Variants in NRAP observed in about 807,000 individuals in gnomAD.
NRAP encodes nebulin related anchoring protein.
In NRAP, 189 loss-of-function variants were observed where a neutral mutation model predicts 225.9. That is an observed-to-expected ratio of 0.84 (90% confidence interval 0.74 to 0.94). The LOEUF (loss-of-function observed/expected upper bound fraction) is 0.94. NRAP is among the 40% of genes least tolerant of loss of function. The pLI, the probability that NRAP is intolerant of heterozygous loss-of-function variation, is 0.00. For missense variants in NRAP, 2,176 were observed against 2,168.7 expected, an observed-to-expected ratio of 1.00 and a Z score of -0.07; for synonymous variants, 769 against 790.7, an observed-to-expected ratio of 0.97 and a Z score of 0.46.
Position 113,652,934 on chromosome 10 carries a change from C to A in NRAP, c.570+1G>T. 1 of 1,607,476 alleles carries A rather than the reference C, an allele frequency of 6.2e-7. No individual in the cohort carries two copies. The highest frequency in any genetic ancestry group is 8.5e-7 in the Non-Finnish European group (1 of 1,175,800). On this transcript the variant is annotated splice_donor_variant, in intron 6 of 41. Coordinates refer to ENST00000359988, the MANE Select transcript of NRAP (RefSeq NM_198060.4). LOFTEE classifies it high-confidence loss of function. ...TGGTGAAAAAGCACCCAGGCACTCACTTGGCTGGCCAGCTGGTTGGCTTTC... is the reference window on the plus strand; with the variant it reads ...TGGTGAAAAAGCACCCAGGCACTCAATTGGCTGGCCAGCTGGTTGGCTTTC...
chr10:113,614,609 GCCCA>G lies in NRAP; in HGVS notation c.3186+226_3186+229del, dbSNP rs1486623763. 2.0e-5 allele frequency among the ~76,000 whole-genome samples: 3 copies of G among 152,136 alleles called. No homozygotes were observed. The East Asian group carries it at 5.8e-4, about 29-fold the overall frequency. On this transcript the variant is annotated intron_variant, in intron 28 of 41. Transcript: ENST00000359988. ...CCTCGGTGGAGGGTGCATTTCATCT[GCCCA>G]GGGTCTATGTTTACAGTCCAGCATT...
Position 113,638,821 on chromosome 10 carries a change from C to T in NRAP, c.1428+1406G>A, listed in dbSNP as rs562656836. Among the ~76,000 whole-genome samples the T allele has an allele frequency of 1.5e-3, 232 of 152,288 alleles. No homozygotes were observed. The Middle Eastern group carries it at 0.017, about 11-fold the overall frequency. On this transcript the variant is annotated intron_variant, in intron 14 of 41. Transcript: ENST00000359988. ...AGTGCAAATGTGGCTCATGGGCTGC[C>T]AGTGAACCCACCTCTAAACTCAATT...
At chr10:113,594,962 C>T (rs1223209063) in intron 38 of NRAP, among the ~76,000 whole-genome samples, 3 of 152,240 alleles carry the variant, frequency 2.0e-5, no homozygotes, top group African/African-American at 7.2e-5. Flanking sequence ...TTTGATTCTG[C>T]CGTCTCTCTA....
chr10:113,601,934 G>C (rs186301064), intron 35 of NRAP, among the ~76,000 whole-genome samples: 1 of 152,144 alleles, frequency 6.6e-6, no homozygotes, highest in Non-Finnish European at 1.5e-5. Flanking sequence ...CACCCAGGCT[G>C]AAGTGCAGTA....
chr10:113,643,091 T>G, intron 11 of NRAP, 53 bp from the exon 12 acceptor site: 1 of 884,114 alleles, frequency 1.1e-6, no homozygotes, highest in Non-Finnish European at 1.9e-6. Flanking sequence ...AAGTCACTCT[T>G]GAAAATGTCC....
intron 22 of NRAP, among the ~76,000 whole-genome samples, chr10:113,624,480 C>A (rs914071303): frequency 6.6e-6 from 1 of 152,142 alleles, no homozygotes; most frequent in Admixed American, 6.5e-5. Context: ...AAGTGGCAAC[C>A]GAGGATCAAA....
At chr10:113,658,362 A>G (rs563983670) in intron 3 of NRAP, among the ~76,000 whole-genome samples, 9 of 152,342 alleles carry the variant, frequency 5.9e-5, no homozygotes, top group African/African-American at 1.9e-4. Flanking sequence ...GTTCAGAATC[A>G]GTCTGTCCAT....
In NRAP at chr10:113,604,714, A is replaced by T. The variant is rs372719866; in HGVS notation, c.4122T>A (p.Ala1374=). 3.7e-5 allele frequency: 60 copies of T among 1,614,082 alleles called. No homozygotes were observed. In the African/African-American group the frequency reaches 4.3e-4, roughly 11 times the overall value. Reference sequence around the variant, plus strand: ...TCCTGTAGTCGTGGTCGCTGGCCAGAGCCTGGGCATTCTTGGCATGGACCA... The same window carrying T: ...TCCTGTAGTCGTGGTCGCTGGCCAGTGCCTGGGCATTCTTGGCATGGACCA... The part of the protein sequence containing the change: ...VHLVHAKNAQ[A]LASDHDYRTQ... Residue 1374 remains alanine (A), a synonymous_variant, in exon 35 of 42, where the codon GCT becomes GCA. Transcript: ENST00000359988.
chr10:113,618,711 TGAG>T (rs1264281883), intron 25 of NRAP, among the ~76,000 whole-genome samples: 1 of 152,158 alleles, frequency 6.6e-6, no homozygotes, highest in Non-Finnish European at 1.5e-5. Flanking sequence ...TTTGGGAGGC[TGAG>T]GAGGGCGAAT....
In NRAP at chr10:113,590,638, G is replaced by T. The variant is rs775108098; in HGVS notation, c.4896C>A (p.Thr1632=). Residue 1632 remains threonine, a synonymous_variant, in exon 40 of 42, where the codon ACC becomes ACA. Transcript: ENST00000359988. ...VHYRQPLPQP[T]CDPEQLGLRH... Reference sequence around the variant, plus strand: ...TGAGGCCCAGCTGCTCCGGGTCGCAGGTGGGCTGGGGCAGGGGCTGCCTGT... The same window carrying T: ...TGAGGCCCAGCTGCTCCGGGTCGCATGTGGGCTGGGGCAGGGGCTGCCTGT... 2.5e-6 allele frequency: 4 copies of T among 1,614,086 alleles called. No individual in the cohort carries two copies. The South Asian group carries it at 4.4e-5, about 18-fold the overall frequency.
At chr10:113,621,825 C>T (rs773077585) in intron 24 of NRAP, 44 bp downstream of exon 24, 2 of 1,540,722 alleles carry the variant, frequency 1.3e-6, no homozygotes, top group East Asian at 2.3e-5. Flanking sequence ...ACACACACAA[C>T]ACACACATAC....
chr10:113,604,410 A>G (rs1846802735), intron 35 of NRAP, among the ~76,000 whole-genome samples, 199 bp downstream of exon 35: 1 of 152,192 alleles, frequency 6.6e-6, no homozygotes, highest in Non-Finnish European at 1.5e-5. Context: ...CCACTGTGCT[A>G]GCCCTCAATA....
At chr10:113,597,724 G>A (rs576895463) in intron 36 of NRAP, among the ~76,000 whole-genome samples, 8 of 152,282 alleles carry the variant, frequency 5.3e-5, no homozygotes, top group African/African-American at 1.2e-4. Flanking sequence ...TTTAGATAAC[G>A]ATTGTACAAA....
chr10:113,628,708 G>T (rs1848415131), intron 20 of NRAP, among the ~76,000 whole-genome samples: 1 of 152,222 alleles, frequency 6.6e-6, no homozygotes, highest in Non-Finnish European at 1.5e-5. Context: ...AAGTAAATCA[G>T]TAGGCTTCTT....
rs769036855 is a variant in NRAP at position 113,645,956 on chromosome 10, A to G, written c.994-15T>C. On this transcript the variant is annotated splice_polypyrimidine_tract_variant and intron_variant, in intron 10 of 41. Transcript: ENST00000359988. Reference sequence around the variant, plus strand: ...CTGTATTTTATCTGAAAAAAAAAACACAAAACGGGGCTGGAGTTGATGTTT... The same window carrying G: ...CTGTATTTTATCTGAAAAAAAAAACGCAAAACGGGGCTGGAGTTGATGTTT... The G allele has an allele frequency of 7.4e-7, 1 of 1,347,522 alleles. No homozygotes were observed. Among genetic ancestry groups the G allele is most frequent in the Non-Finnish European group, 1.0e-6 (1 of 961,734 alleles). 83.5% of individuals were successfully genotyped at this position (1,347,522 alleles called of 1,614,324 possible).
At chr10:113,644,821 G>A (rs1359449280) in intron 11 of NRAP, among the ~76,000 whole-genome samples, 2 of 152,214 alleles carry the variant, frequency 1.3e-5, no homozygotes, top group Non-Finnish European at 2.9e-5. Context: ...ATCTGTTTGT[G>A]AGTTGCAGAT....
At chr10:113,621,734 T>C in intron 24 of NRAP, 135 bp downstream of exon 24, 1 of 755,310 alleles carries the variant, frequency 1.3e-6, no homozygotes, top group East Asian at 2.7e-5. Context: ...AAGTAAAGTG[T>C]TGCCACTTAG....
In NRAP at chr10:113,663,956, AG is replaced by A. The variant is rs1393879054; in HGVS notation, c.-75del. The stretch of plus-strand genomic sequence containing the variant: ...CAAGGAGAACCCCCAGTCTAGTTCA[AG>A]TCTTCAAAATCCGACGACCATAAAA... On this transcript the variant is annotated 5_prime_UTR_variant, in exon 1 of 42. Coordinates refer to ENST00000359988, the MANE Select transcript of NRAP (RefSeq NM_198060.4). 8.7e-7 allele frequency: 1 copy of A among 1,148,098 alleles called. No homozygotes were observed. The highest frequency in any genetic ancestry group is 1.3e-6 in the Non-Finnish European group (1 of 760,144). 71.1% of individuals were successfully genotyped at this position (1,148,098 alleles called of 1,614,324 possible).
chr10:113,640,740 T>C (rs569869136), intron 13 of NRAP, among the ~76,000 whole-genome samples: 1 of 152,272 alleles, frequency 6.6e-6, no homozygotes, highest in East Asian at 1.9e-4. Context: ...AAATCCGACA[T>C]TTGTATGTTT....
Sources: allele counts gnomAD v4.1 joint callset (sites outside exome capture counted in the v4.1 genomes callset), GRCh38; gene constraint gnomAD v4.1.1; transcripts MANE v1.5; gene names NCBI Gene and HGNC (gene_info 2026-07-23, HGNC 2026-07-21).